The following POLE variants were observed in gnomAD, a reference collection of about 807,000 sequenced individuals.
The protein encoded by POLE is DNA polymerase epsilon catalytic subunit A.
A neutral mutation model predicts 279.2 loss-of-function variants in POLE; 188 were observed. The observed-to-expected ratio is 0.67, with a 90% confidence interval of 0.60 to 0.76. POLE has a LOEUF of 0.76. POLE is among the 30% of genes least tolerant of loss of function. The pLI, the probability that POLE is intolerant of heterozygous loss-of-function variation, is 0.00. For synonymous variants in POLE, 1,214 were observed against 1,172.5 expected (o/e 1.04, Z -0.72); for missense variants, 2,703 against 3,016.7 (o/e 0.90, Z 2.44).
chr12:132,641,468 G>A (rs554435770), intron 39 of POLE, 179 bp downstream of exon 39: 5 of 613,270 alleles, frequency 8.2e-6, no homozygotes, highest in Admixed American at 2.8e-5. Flanking sequence ...GGACCAGGCC[G>A]GACCCCCACA....
chr12:132,625,955 A>G (rs1029941196), intron 46 of POLE, 162 bp downstream of exon 46: 14 of 1,088,172 alleles, frequency 1.3e-5, no homozygotes, highest in African/African-American at 1.6e-5. Flanking sequence ...CATTCCGAAC[A>G]TGGTGTGGGG....
At chr12:132,643,386 G>C (rs779377940) in intron 34 of POLE, 21 bp downstream of exon 34, 1 of 1,614,216 alleles carries the variant, frequency 6.2e-7, no homozygotes, top group Non-Finnish European at 8.5e-7. Flanking sequence ...GCACATGATG[G>C]GCGGCTGGTG....
chr12:132,670,217 A>G (rs2042893031), intron 16 of POLE, among the ~76,000 whole-genome samples: 1 of 145,768 alleles, frequency 6.9e-6, no homozygotes, highest in African/African-American at 2.5e-5. Flanking sequence ...CTAAAAATAC[A>G]AAAAAAAAAT....
intron 45 of POLE, among the ~76,000 whole-genome samples, chr12:132,627,637 C>T (rs1439676557): frequency 6.6e-6 from 1 of 152,228 alleles, no homozygotes; most frequent in Non-Finnish European, 1.5e-5. Flanking sequence ...CTATTAAGTG[C>T]ATAACAGCAT....
At chr12:132,643,155 C>G in intron 35 of POLE, 69 bp downstream of exon 35, 1 of 1,540,400 alleles carries the variant, frequency 6.5e-7, no homozygotes, top group Non-Finnish European at 8.9e-7. Flanking sequence ...CCTGGGCACC[C>G]TGGGAGATGT....
intron 6 of POLE, among the ~76,000 whole-genome samples, chr12:132,678,645 A>G (rs2043107497): frequency 6.6e-6 from 1 of 152,218 alleles, no homozygotes; most frequent in Admixed American, 6.5e-5. Flanking sequence ...AGAGCCAGGC[A>G]TGACCATCCC....
At position 132,683,251 on chromosome 12, in the gene POLE, G is replaced by A. The variant is rs1346996056; in HGVS notation, c.63-1972C>T. Among the ~76,000 whole-genome samples the A allele has an allele frequency of 3.3e-5, 5 of 152,078 alleles. No homozygotes were observed. The East Asian group carries it at 5.8e-4, about 18-fold the overall frequency. On this transcript the variant is annotated intron_variant, in intron 1 of 48. Coordinates refer to ENST00000320574, the MANE Select transcript of POLE (RefSeq NM_006231.4). ...TGAGATTCTGCTTAGCTGGGTGGGC[G>A]CAGTGTAATCACAAGAATCCTTGTA... is the stretch of plus-strand genomic sequence containing the variant.
intron 1 of POLE, 123 bp downstream of exon 1, chr12:132,687,131 C>T: frequency 2.0e-6 from 1 of 506,674 alleles, no homozygotes; most frequent in Non-Finnish European, 2.9e-6. Context: ...CCCAGTCAGG[C>T]GCGGCGAGTG....
intron 16 of POLE, among the ~76,000 whole-genome samples, chr12:132,670,902 T>G (rs1284231584): frequency 6.6e-6 from 1 of 152,208 alleles, no homozygotes; most frequent in Admixed American, 6.5e-5. Flanking sequence ...AGCCAAACAG[T>G]GCTTCACAGC....
At position 132,677,568 on chromosome 12, in the gene POLE, C is replaced by T. The variant is rs2136019805; in HGVS notation, c.720+10G>A. On this transcript the variant is annotated intron_variant, in intron 7 of 48. Transcript: ENST00000320574. ...TCATGTGAGCAGCGACCCAACCCTG[C>T]CCCACTCACCACGTGGATCTTCAGG... The T allele has an allele frequency of 2.5e-6, 4 of 1,614,092 alleles. No individual in the cohort carries two copies. The highest frequency in any genetic ancestry group is 2.5e-6 in the Non-Finnish European group (3 of 1,179,958).
At position 132,676,222 on chromosome 12, in the gene POLE, C is replaced by T. The variant is rs1245479735; in HGVS notation, c.910-18G>A. ...AGGTAGCCCTAGCCAAGTTCATTAG[C>T]AATCAGCACAAGTCAGAGGCTGCAA... On this transcript the variant is annotated intron_variant, in intron 9 of 48. Coordinates refer to ENST00000320574, the MANE Select transcript of POLE (RefSeq NM_006231.4). 6.5e-7 allele frequency: 1 copy of T among 1,538,538 alleles called. No individual in the cohort carries two copies. The highest frequency in any genetic ancestry group is 2.2e-5 in the East Asian group (1 of 44,496).
chr12:132,682,301 A>AAAT (rs1555230610), intron 1 of POLE, among the ~76,000 whole-genome samples: 86 of 138,956 alleles, frequency 6.2e-4, no homozygotes, highest in African/African-American at 2.3e-3. Context: ...CAAAAAAAAA[A>AAAT]AAATAAATAA....
chr12:132,634,105 C>G lies in POLE; in HGVS notation c.6004+81G>C, dbSNP rs375568764. 3 of 1,281,848 alleles carry G rather than the reference C, an allele frequency of 2.3e-6. No individual in the cohort carries two copies. Among genetic ancestry groups the G allele is most frequent in the Middle Eastern group, 2.4e-4 (1 of 4,202 alleles). 79.4% of individuals were successfully genotyped at this position (1,281,848 alleles called of 1,614,324 possible). ...CTGATTTTCCCTGTCTCCCTTCTTG[C>G]GATACCATGGCACAGGAGCCACATC... On this transcript the variant is annotated intron_variant, in intron 43 of 48. Transcript: ENST00000320574. The surrounding 1 kb of genome is among the most constrained non-coding windows in gnomAD (Gnocchi z 4.0).
rs777479972 is a variant in POLE at position 132,639,169 on chromosome 12, G to A, written c.5508C>T (p.Ala1836=). The A allele has an allele frequency of 6.2e-7, 1 of 1,614,132 alleles. No individual in the cohort carries two copies. The highest frequency in any genetic ancestry group is 8.5e-7 in the Non-Finnish European group (1 of 1,180,010). ...RSPSSLLHDP[A]LHRTLHNMMK... The stretch of plus-strand genomic sequence containing the variant: ...TCATGTTGTGGAGTGTGCGGTGCAG[G>A]GCAGGGTCATGAAGCAGAGAGGATG... The change falls in exon 40 of 49, where the codon GCC becomes GCT. Residue 1836 remains alanine (A), a synonymous_variant. Transcript: ENST00000320574. This position sits in a 1 kb window ranked among gnomAD's most constrained non-coding sequence, Gnocchi z 4.7.
chr12:132,624,677 C>T lies in POLE; in HGVS notation c.*20G>A, dbSNP rs775213245. Reference sequence around the variant, plus strand: ...AGGAGGCCTGGCACGGACGCAGAGGCACCCGGGGCCCGGGGCTGGCTAATG... The same window carrying T: ...AGGAGGCCTGGCACGGACGCAGAGGTACCCGGGGCCCGGGGCTGGCTAATG... On this transcript the variant is annotated 3_prime_UTR_variant, in exon 49 of 49. Coordinates refer to ENST00000320574, the MANE Select transcript of POLE (RefSeq NM_006231.4). 6.8e-7 allele frequency: 1 copy of T among 1,480,866 alleles called. No individual in the cohort carries two copies. The highest frequency in any genetic ancestry group is 2.3e-5 in the East Asian group (1 of 44,256). The allele number at this position is 1,480,866 out of a possible 1,614,324, so 91.7% of individuals were successfully genotyped here.
At chr12:132,680,998 G>C in intron 2 of POLE, 140 bp downstream of exon 2, 1 of 987,436 alleles carries the variant, frequency 1.0e-6, no homozygotes, top group South Asian at 1.7e-5. Context: ...AAAGAGGAAA[G>C]GAGAGCTGGG....
Position 132,675,498 on chromosome 12 carries a change from C to T in POLE, c.1126G>A (p.Ala376Thr), listed in dbSNP as rs1201756379. 2 of 1,614,038 alleles carry T rather than the reference C, an allele frequency of 1.2e-6. No individual in the cohort carries two copies. The highest frequency in any genetic ancestry group is 1.7e-5 in the Admixed American group (1 of 60,010). Reference sequence around the variant, plus strand: ...TGCATGCTCAGACCGTGGACTGCTGCCCGGGCCTCCACAAATGGCCTGGGT... The same window carrying T: ...TGCATGCTCAGACCGTGGACTGCTGTCCGGGCCTCCACAAATGGCCTGGGT... ...FFDWPFVEAR[A>T]AVHGLSMQQE... Residue 376 changes from alanine to threonine, a missense_variant, in exon 12 of 49, where the codon GCA (alanine) becomes ACA (threonine). Coordinates refer to ENST00000320574, the MANE Select transcript of POLE (RefSeq NM_006231.4). The surrounding 1 kb of genome is among the most constrained non-coding windows in gnomAD (Gnocchi z 4.3).
intron 16 of POLE, 28 bp downstream of exon 16, chr12:132,672,187 T>G (rs755213532): frequency 2.2e-5 from 33 of 1,503,586 alleles, no homozygotes; most frequent in Non-Finnish European, 2.9e-5. Flanking sequence ...AAACACAGAC[T>G]GGCTCTTCCT....
rs544583231 is a variant in POLE, at chr12:132,661,388, G to C, written c.2864+139C>G. 9.7e-7 allele frequency: 1 copy of C among 1,036,116 alleles called. No homozygotes were observed. Among genetic ancestry groups the C allele is most frequent in the South Asian group, 1.6e-5 (1 of 64,198 alleles). 64.2% of individuals were successfully genotyped at this position (1,036,116 alleles called of 1,614,324 possible). On this transcript the variant is annotated intron_variant, in intron 24 of 48. Transcript: ENST00000320574. This position sits in a 1 kb window ranked among gnomAD's most constrained non-coding sequence, Gnocchi z 4.1. Reference sequence around the variant, plus strand: ...ATACAGCAGGCGGGCAGACAGAGCTGGTGCAAACGGAATCAGTAAGATCAC... The same window carrying C: ...ATACAGCAGGCGGGCAGACAGAGCTCGTGCAAACGGAATCAGTAAGATCAC...
Sources: gnomAD v4.1 joint callset for allele counts (sites outside exome capture counted in the v4.1 genomes callset) on GRCh38, gnomAD v4.1.1 for gene constraint, Gnocchi (gnomAD v3.1) non-coding constraint, MANE v1.5 for transcripts, NCBI Gene and HGNC (gene_info 2026-07-23, HGNC 2026-07-21) for gene names.